Variants in HDGFL3 observed in about 807,000 individuals in gnomAD.
HDGFL3 encodes HDGF like 3.
A neutral mutation model predicts 27.6 loss-of-function variants in HDGFL3; 6 were observed. The observed-to-expected ratio is 0.22, with a 90% CI of 0.12 to 0.43. The LOEUF (loss-of-function observed/expected upper bound fraction) is 0.43, where lower values mean the gene tolerates loss of function less well. Among genes scored for constraint, HDGFL3 ranks in the 20% least tolerant of loss-of-function variants. The pLI is 1.00. For synonymous variants in HDGFL3, 88 were observed against 88.9 expected, an observed-to-expected ratio of 0.99 and a Z score of 0.05; for missense variants, 207 against 250.1, an observed-to-expected ratio of 0.83 and a Z score of 1.16.
intron 1 of HDGFL3, among the ~76,000 whole-genome samples, chr15:83,166,916 C>A (rs2037177695): frequency 6.6e-6 from 1 of 152,224 alleles, no homozygotes; most frequent in Admixed American, 6.5e-5. Context: ...TCCTCCAACA[C>A]TGGGATTATA....
intron 1 of HDGFL3, among the ~76,000 whole-genome samples, chr15:83,205,357 C>T (rs2151424616): frequency 6.6e-6 from 1 of 152,232 alleles, no homozygotes; most frequent in South Asian, 2.1e-4. Context: ...TCTTGAGGAG[C>T]TCGTTAAATG....
rs778397685 is a variant in HDGFL3 at position 83,136,721 on chromosome 15, C to T, written c.*2549G>A. On this transcript the variant is annotated 3_prime_UTR_variant, in exon 6 of 6. Transcript: ENST00000299633. Reference sequence around the variant, plus strand: ...TTCTAAATTACTAACTTTTGTTATACTGGTACTGATATTTTGTCCCATTTC... The same window carrying T: ...TTCTAAATTACTAACTTTTGTTATATTGGTACTGATATTTTGTCCCATTTC... 2.0e-6 allele frequency: 3 copies of T among 1,474,538 alleles called. No homozygotes were observed. The highest frequency in any genetic ancestry group is 1.3e-5 in the South Asian group (1 of 77,092). The allele number at this position is 1,474,538 out of a possible 1,614,324, so 91.3% of individuals were successfully genotyped here. A position where few individuals can be genotyped will look rare whatever the true frequency, so the allele number is the denominator to read the frequency against.
At chr15:83,146,673 CTG>C (rs2036898807) in intron 5 of HDGFL3, among the ~76,000 whole-genome samples, 1 of 152,194 alleles carries the variant, frequency 6.6e-6, no homozygotes, top group Non-Finnish European at 1.5e-5. Flanking sequence ...TCTGTCCTCT[CTG>C]TGACTGAATA....
At position 83,207,670 on chromosome 15, in the gene HDGFL3, C is replaced by G. The variant is rs1043925861; in HGVS notation, c.-256G>C. On this transcript the variant is annotated 5_prime_UTR_variant, in exon 1 of 6. Transcript: ENST00000299633. This position sits in a 1 kb window ranked among gnomAD's most constrained non-coding sequence, Gnocchi z 4.8. The stretch of plus-strand genomic sequence containing the variant: ...CGTTCGGCGCTCGCCCGCGTCCGGC[C>G]GCGCCAAGGTCCCCGCCGCCGCCGC... 1 of 156,862 alleles carries G rather than the reference C, an allele frequency of 6.4e-6. No homozygotes were observed. The highest frequency in any genetic ancestry group is 2.5e-5 in the African/African-American group (1 of 39,714). The allele number at this position is 156,862 out of a possible 1,614,324, so 9.7% of individuals were successfully genotyped here.
intron 5 of HDGFL3, among the ~76,000 whole-genome samples, chr15:83,147,713 G>A (rs1567166660): frequency 6.6e-6 from 1 of 152,176 alleles, no homozygotes; most frequent in Non-Finnish European, 1.5e-5. Flanking sequence ...AATGGTGCTG[G>A]TTCAAATGGT....
At chr15:83,151,764 A>T (rs977774307) in intron 4 of HDGFL3, among the ~76,000 whole-genome samples, 1 of 152,234 alleles carries the variant, frequency 6.6e-6, no homozygotes, top group Admixed American at 6.5e-5. Context: ...ATAGTAGTGG[A>T]AATTGAAAGA....
intron 1 of HDGFL3, chr15:83,181,137 T>C (rs2037376013): frequency 6.6e-6 from 1 of 152,332 alleles, no homozygotes; most frequent in Non-Finnish European, 1.5e-5. Flanking sequence ...AAAAACATTG[T>C]CATTTTAATC....
At chr15:83,143,270 C>T (rs1043861378) in intron 5 of HDGFL3, among the ~76,000 whole-genome samples, 10 of 152,154 alleles carry the variant, frequency 6.6e-5, no homozygotes, top group African/African-American at 2.4e-4. Flanking sequence ...CCTTGGCCTC[C>T]CAAAGTGTTG....
At chr15:83,186,698 CAG>C (rs1462043865) in intron 1 of HDGFL3, among the ~76,000 whole-genome samples, 1 of 151,636 alleles carries the variant, frequency 6.6e-6, no homozygotes, top group African/African-American at 2.4e-5. Flanking sequence ...CAAAGGCATA[CAG>C]AGTGGTATAA....
chr15:83,141,539 G>T (rs1249649304), intron 5 of HDGFL3, among the ~76,000 whole-genome samples: 1 of 152,192 alleles, frequency 6.6e-6, no homozygotes, highest in African/African-American at 2.4e-5. Context: ...AGTGTTCAGT[G>T]AAAACTAGAA....
chr15:83,122,945 A>G, downstream of HDGFL3: 1 of 1,573,128 alleles, frequency 6.4e-7, no homozygotes, highest in Non-Finnish European at 8.7e-7. Flanking sequence ...TCCACTGGCC[A>G]CTGAATTGAA....
At chr15:83,201,762 C>T (rs1427331414) in intron 1 of HDGFL3, among the ~76,000 whole-genome samples, 1 of 152,106 alleles carries the variant, frequency 6.6e-6, no homozygotes, top group Admixed American at 6.6e-5. Flanking sequence ...AGAGACTCAT[C>T]TGGTTGAAAC....
chr15:83,115,037 T>A (rs2034529579), exon 4 of HDGFL3: 1 of 152,536 alleles, frequency 6.6e-6, no homozygotes, highest in South Asian at 2.1e-4. Context: ...GGATACGCCA[T>A]GTGGAATAGG....
Position 83,149,750 on chromosome 15 carries a change from G to A in HDGFL3, c.606+1465C>T, listed in dbSNP as rs530447970. ...AGATCATTCTTTTTACGAAGTTAGA[G>A]ATGAAGGGAAAAGTGAAAAGGGTAA... On this transcript the variant is annotated intron_variant, in intron 5 of 5. Transcript: ENST00000299633. Among the ~76,000 whole-genome samples, 3 of 152,230 alleles carry A rather than the reference G, an allele frequency of 2.0e-5. No homozygotes were observed. The South Asian group carries it at 6.2e-4, about 32-fold the overall frequency.
intron 1 of HDGFL3, among the ~76,000 whole-genome samples, chr15:83,167,339 C>T (rs1394841415): frequency 6.6e-6 from 1 of 152,026 alleles, no homozygotes; most frequent in East Asian, 1.9e-4. Context: ...GGGGATCACC[C>T]GAGGTCAGGA....
intron 1 of HDGFL3, among the ~76,000 whole-genome samples, chr15:83,182,132 C>CTT (rs1241605992): frequency 6.6e-6 from 1 of 152,114 alleles, no homozygotes; most frequent in Non-Finnish European, 1.5e-5. Flanking sequence ...CTTTTTATGG[C>CTT]TTTTTATGGC....
intron 1 of HDGFL3, among the ~76,000 whole-genome samples, chr15:83,191,683 T>G (rs1412906816): frequency 6.6e-6 from 1 of 152,176 alleles, no homozygotes; most frequent in Non-Finnish European, 1.5e-5. Flanking sequence ...TTTCTTTTAT[T>G]ATACTCTGGA....
chr15:83,186,064 A>G (rs2037437658), intron 1 of HDGFL3: 1 of 152,250 alleles, frequency 6.6e-6, no homozygotes, highest in African/African-American at 2.4e-5. Flanking sequence ...TCCCATCAAC[A>G]ACTACTTAAG....
chr15:83,139,780 C>G (rs2036731094), intron 5 of HDGFL3, among the ~76,000 whole-genome samples: 1 of 152,166 alleles, frequency 6.6e-6, no homozygotes, highest in Non-Finnish European at 1.5e-5. Flanking sequence ...TACAAAGTCT[C>G]TGACTTCTTG....
Sources: allele counts gnomAD v4.1 joint callset (sites outside exome capture counted in the v4.1 genomes callset), GRCh38; gene constraint gnomAD v4.1.1; non-coding constraint Gnocchi (gnomAD v3.1); transcripts MANE v1.5; gene names NCBI Gene and HGNC (gene_info 2026-07-23, HGNC 2026-07-21).